Variants in COL15A1 observed in about 807,000 individuals in gnomAD.
COL15A1 encodes collagen alpha-1(XV) chain.
Under a neutral mutation model 165.9 loss-of-function variants are expected in COL15A1, and 111 were observed. The ratio of observed to expected loss-of-function variants is 0.67; its 90% CI spans 0.57 to 0.78. The LOEUF is 0.78. Among genes scored for constraint, COL15A1 ranks in the 30% least tolerant of loss-of-function variants. The pLI is 0.00. For synonymous variants in COL15A1, 659 were observed against 674.8 expected, an observed-to-expected ratio of 0.98 and a Z score of 0.36; for missense variants, 1,745 against 1,789.7, an observed-to-expected ratio of 0.98 and a Z score of 0.45.
At chr9:99,046,944 G>A (rs1839501134) in intron 26 of COL15A1, among the ~76,000 whole-genome samples, 1 of 152,118 alleles carries the variant, frequency 6.6e-6, no homozygotes, top group Non-Finnish European at 1.5e-5. Flanking sequence ...GTTTTTGTTT[G>A]TCATTTTTCA....
intron 4 of COL15A1, among the ~76,000 whole-genome samples, 170 bp from the exon 5 acceptor site, chr9:98,988,995 TCTCCTTAACCCCA>T (rs1178534467): frequency 6.6e-6 from 1 of 150,990 alleles, no homozygotes; most frequent in Non-Finnish European, 1.5e-5. Context: ...ACACACGCTG[TCTCCTTAACCCCA>T]CTCCGTCTCT....
intron 3 of COL15A1, among the ~76,000 whole-genome samples, chr9:98,986,613 G>C (rs1010543179): frequency 6.6e-6 from 1 of 152,164 alleles, no homozygotes; most frequent in Non-Finnish European, 1.5e-5. Flanking sequence ...AATTTAAACT[G>C]ACTTTACTAT....
intron 16 of COL15A1, among the ~76,000 whole-genome samples, chr9:99,027,892 C>A (rs1485665144): frequency 6.6e-6 from 1 of 152,140 alleles, no homozygotes; most frequent in Non-Finnish European, 1.5e-5. Flanking sequence ...CCCTAATAAA[C>A]CAAGGTGCAT....
chr9:99,057,326 G>C (rs930273210), intron 35 of COL15A1, among the ~76,000 whole-genome samples: 6 of 152,180 alleles, frequency 3.9e-5, no homozygotes, highest in Non-Finnish European at 8.8e-5. Flanking sequence ...CTTTTCACAT[G>C]TGAGTGGAAA....
chr9:99,059,781 G>T, intron 35 of COL15A1, 108 bp from the exon 36 acceptor site: 1 of 1,222,606 alleles, frequency 8.2e-7, no homozygotes, highest in Non-Finnish European at 1.2e-6. Context: ...GATGCTTTGT[G>T]GCGCTGTGAA....
chr9:99,040,999 C>T lies in COL15A1; in HGVS notation c.2511+443C>T, dbSNP rs760369885. 28 of 173,692 alleles carry T rather than the reference C, an allele frequency of 1.6e-4. No individual in the cohort carries two copies. The East Asian group carries it at 3.1e-3, about 19-fold the overall frequency. 10.8% of individuals were successfully genotyped at this position (173,692 alleles called of 1,614,324 possible). A position where few individuals can be genotyped will look rare whatever the true frequency, so the allele number is the denominator to read the frequency against. Reference sequence around the variant, plus strand: ...AGGCCAAACCCCTAAGCTCCAGCCCCGGCTTGGCTGCTCCAAGACCTGGGG... The same window carrying T: ...AGGCCAAACCCCTAAGCTCCAGCCCTGGCTTGGCTGCTCCAAGACCTGGGG... On this transcript the variant is annotated intron_variant, in intron 23 of 41. Transcript: ENST00000375001.
Position 99,034,586 on chromosome 9 carries a change from TAAAAAAAAAAAAA to T in COL15A1, c.2079+18_2079+30del, listed in dbSNP as rs60290557. The T allele has an allele frequency of 1.4e-4, 149 of 1,074,742 alleles. No individual in the cohort carries two copies. Among genetic ancestry groups the T allele is most frequent in the African/African-American group, 2.1e-4 (8 of 37,440 alleles). 66.6% of individuals were successfully genotyped at this position (1,074,742 alleles called of 1,614,324 possible). ...CCTAATGGCTCAGTTGGTGAAAAGG[TAAAAAAAAAAAAA>T]AAAAAAAAAAAAAAAGAACTTTCTT... On this transcript the variant is annotated splice_donor_5th_base_variant and intron_variant, in intron 17 of 41. Transcript: ENST00000375001.
rs138655830 is a variant in COL15A1 at position 99,024,998 on chromosome 9, C to A, written c.1979C>A (p.Pro660Gln). The change falls in exon 15 of 42, where the codon CCG becomes CAG. Residue 660 changes from proline (P) to glutamine (Q), a missense_variant and splice_region_variant. By Grantham distance (76) the Pro-to-Gln change is moderately conservative (BLOSUM62 -1). Transcript: ENST00000375001. ...EDGPAGEPGP[P>Q]GPEGQPGVDG... ...GGACCTGCTGGTGAACCTGGGCCCC[C>A]GGTGAGCAACTGAAGTCTTCTCCCC... The A allele has an allele frequency of 1.3e-3, 2,095 of 1,612,414 alleles. 19 individuals carry two copies. The highest frequency in any genetic ancestry group is 8.9e-3 in the South Asian group (811 of 90,864).
chr9:98,947,874 G>A (rs867955192), intron 2 of COL15A1, among the ~76,000 whole-genome samples: 5 of 152,160 alleles, frequency 3.3e-5, no homozygotes, highest in Middle Eastern at 6.8e-3. Context: ...TATCCTGCAC[G>A]CCCTAAAACA....
intron 2 of COL15A1, among the ~76,000 whole-genome samples, chr9:98,952,167 G>A (rs1159339524): frequency 6.6e-6 from 1 of 152,186 alleles, no homozygotes; most frequent in African/African-American, 2.4e-5. Context: ...AAGGAATGAA[G>A]GGGTTAGTCT....
intron 38 of COL15A1, among the ~76,000 whole-genome samples, chr9:99,062,799 G>C (rs1825837054): frequency 6.6e-6 from 1 of 151,936 alleles, no homozygotes; most frequent in African/African-American, 2.4e-5. Context: ...ATTAAACATG[G>C]GTTTATCAAA....
At chr9:98,978,661 A>C (rs886271171) in intron 2 of COL15A1, among the ~76,000 whole-genome samples, 1 of 152,064 alleles carries the variant, frequency 6.6e-6, no homozygotes, top group Non-Finnish European at 1.5e-5. Flanking sequence ...CTGTACAAAG[A>C]TAAGCTGTAT....
intron 9 of COL15A1, among the ~76,000 whole-genome samples, chr9:99,008,853 A>G (rs908068885): frequency 5.9e-5 from 9 of 151,886 alleles, no homozygotes; most frequent in Admixed American, 5.9e-4. Flanking sequence ...CAGATGATCC[A>G]CCTGCCTCAG....
intron 26 of COL15A1, 129 bp from the exon 27 acceptor site, chr9:99,047,657 C>T: frequency 2.1e-6 from 2 of 935,326 alleles, no homozygotes; most frequent in Admixed American, 1.8e-5. Flanking sequence ...TTCTACCTGG[C>T]TCCCTGCCCT....
chr9:99,001,872 G>A (rs1838661569), intron 7 of COL15A1, among the ~76,000 whole-genome samples: 1 of 152,132 alleles, frequency 6.6e-6, no homozygotes, highest in Non-Finnish European at 1.5e-5. Context: ...TTCCTGGGAG[G>A]TCTTCCTGCA....
intron 2 of COL15A1, among the ~76,000 whole-genome samples, chr9:98,979,974 T>C (rs1223224773): frequency 6.6e-6 from 1 of 151,998 alleles, no homozygotes; most frequent in Non-Finnish European, 1.5e-5. Context: ...GTAGGCAATA[T>C]AGCGAGACCC....
In COL15A1 at chr9:99,035,437, C is replaced by A. The variant is rs762456885; in HGVS notation, c.2289+19C>A. On this transcript the variant is annotated intron_variant, in intron 19 of 41. Coordinates refer to ENST00000375001, the MANE Select transcript of COL15A1 (RefSeq NM_001855.5). Reference sequence around the variant, plus strand: ...TGCAATTGTAGGTCGCCTCTGAAACCTTCATTATGAGGGTTGTCACACTGT... The same window carrying A: ...TGCAATTGTAGGTCGCCTCTGAAACATTCATTATGAGGGTTGTCACACTGT... The A allele has an allele frequency of 6.2e-7, 1 of 1,614,048 alleles. No homozygotes were observed. Among genetic ancestry groups the A allele is most frequent in the Non-Finnish European group, 8.5e-7 (1 of 1,180,026 alleles).
chr9:98,956,851 C>T (rs1452267351), intron 2 of COL15A1, among the ~76,000 whole-genome samples: 1 of 152,258 alleles, frequency 6.6e-6, no homozygotes, highest in East Asian at 1.9e-4. Context: ...ATCTAGGGGA[C>T]TGAGGATAGC....
chr9:98,944,348 T>G, intron 2 of COL15A1, 98 bp downstream of exon 2: 2 of 1,237,320 alleles, frequency 1.6e-6, no homozygotes, highest in Non-Finnish European at 2.3e-6. Context: ...GCCTCATTCC[T>G]GGACATAAAA....
Sources: allele counts gnomAD v4.1 joint callset (sites outside exome capture counted in the v4.1 genomes callset), GRCh38; gene constraint gnomAD v4.1.1; transcripts MANE v1.5; gene names NCBI Gene and HGNC (gene_info 2026-07-23, HGNC 2026-07-21).